Variants in CSMD3 observed in about 807,000 individuals in gnomAD.
CSMD3 encodes CUB and Sushi multiple domains 3.
In CSMD3, 177 loss-of-function variants were observed where a neutral mutation model predicts 435.2. The ratio of observed to expected loss-of-function variants is 0.41; its 90% CI spans 0.36 to 0.46. The LOEUF is 0.46. Ranked by LOEUF, CSMD3 falls within the 20% of genes least tolerant of loss-of-function variation. The pLI, the probability that CSMD3 is intolerant of heterozygous loss-of-function variation, is 0.34. For missense variants in CSMD3, 4,265 were observed against 4,504.6 expected, an observed-to-expected ratio of 0.95 and a Z score of 1.52; for synonymous variants, 1,656 against 1,520.5, an observed-to-expected ratio of 1.09 and a Z score of -2.07.
chr8:112,755,043 G>A (rs1400595535), intron 13 of CSMD3, among the ~76,000 whole-genome samples: 1 of 152,060 alleles, frequency 6.6e-6, no homozygotes. Context: ...ATTAAATAAT[G>A]AGGGCGGGCC....
intron 35 of CSMD3, among the ~76,000 whole-genome samples, chr8:112,399,552 G>A (rs1239464082): frequency 1.3e-5 from 2 of 152,100 alleles, no homozygotes; most frequent in Admixed American, 6.6e-5. Flanking sequence ...ACTGTGCCTG[G>A]TCCCGATTTC....
At chr8:113,360,575 T>C (rs2094266741) in intron 1 of CSMD3, among the ~76,000 whole-genome samples, 3 of 134,384 alleles carry the variant, frequency 2.2e-5, no homozygotes, top group South Asian at 5.1e-4. Flanking sequence ...TCAGTCTTTT[T>C]TTTTTTTTTT....
intron 54 of CSMD3, 150 bp from the exon 55 acceptor site, chr8:112,292,860 C>G: frequency 1.4e-6 from 1 of 714,814 alleles, no homozygotes; most frequent in Non-Finnish European, 2.5e-6. Context: ...AGTACATTTA[C>G]TAATGTAGAT....
chr8:113,047,535 A>G (rs117421335), intron 5 of CSMD3, among the ~76,000 whole-genome samples: 3,888 of 152,292 alleles, frequency 0.026, 78 homozygotes, highest in Middle Eastern at 0.061. Context: ...TTTTGAATTT[A>G]CCAGAATAAA....
chr8:113,298,084 A>G (rs1254015494), intron 2 of CSMD3, among the ~76,000 whole-genome samples: 1 of 152,124 alleles, frequency 6.6e-6, no homozygotes, highest in Non-Finnish European at 1.5e-5. Flanking sequence ...AATAGAGAAT[A>G]GTAAGAGCAA....
chr8:112,614,051 T>C (rs750631089), intron 22 of CSMD3, among the ~76,000 whole-genome samples: 45 of 152,120 alleles, frequency 3.0e-4, no homozygotes, highest in Non-Finnish European at 7.4e-5. Context: ...AAAAGGAGGA[T>C]AGGAAGTATT....
intron 3 of CSMD3, among the ~76,000 whole-genome samples, chr8:113,237,200 T>G (rs955467127): frequency 4.6e-5 from 7 of 152,138 alleles, no homozygotes; most frequent in African/African-American, 1.7e-4. Context: ...GATGCCTAAA[T>G]GAAAATGTGC....
chr8:112,816,024 TG>T (rs935410694), intron 12 of CSMD3, among the ~76,000 whole-genome samples: 22 of 152,154 alleles, frequency 1.4e-4, no homozygotes, highest in African/African-American at 5.1e-4. Flanking sequence ...TTGATTTTCC[TG>T]GAAGTGGTAT....
rs1009350101 is a variant in CSMD3, at chr8:113,098,921, A to T, written c.752T>A (p.Ile251Asn). 1 of 1,612,510 alleles carries T rather than the reference A, an allele frequency of 6.2e-7. No homozygotes were observed. The highest frequency in any genetic ancestry group is 1.1e-5 in the South Asian group (1 of 91,040). Residue 251 changes from isoleucine (I) to asparagine (N), a missense_variant, in exon 5 of 71, where the codon ATC (isoleucine) becomes AAC (asparagine). By Grantham distance (149) the Ile-to-Asn change is moderately radical. This residue lies in a region of CSMD3 where 731 missense variants were observed against 755.4 expected (regional missense o/e 0.97). Coordinates refer to ENST00000297405, the MANE Select transcript of CSMD3 (RefSeq NM_198123.2). Reference protein sequence around the residue: ...CGGTMRGSSGIISSPSFPNEY... With the variant: ...CGGTMRGSSGNISSPSFPNEY... ...ATTAGGAAAACTAGGGCTGGATATG[A>T]TGCCACTGGATCCTCTCATTGTTCC...
intron 22 of CSMD3, among the ~76,000 whole-genome samples, chr8:112,619,304 C>T (rs1480015854): frequency 1.3e-5 from 2 of 151,592 alleles, no homozygotes; most frequent in African/African-American, 4.9e-5. Context: ...CATACTGTAC[C>T]TCTCCTGTTG....
At chr8:112,285,159 A>G (rs1361770702) in intron 58 of CSMD3, among the ~76,000 whole-genome samples, 1 of 152,098 alleles carries the variant, frequency 6.6e-6, no homozygotes, top group African/African-American at 2.4e-5. Context: ...CATAATATGC[A>G]TGCTAACAAA....
At chr8:113,061,016 T>C (rs2088589556) in intron 5 of CSMD3, among the ~76,000 whole-genome samples, 1 of 152,188 alleles carries the variant, frequency 6.6e-6, no homozygotes, top group African/African-American at 2.4e-5. Context: ...CTGCACTCTA[T>C]TGAGATAAGT....
intron 5 of CSMD3, among the ~76,000 whole-genome samples, chr8:113,037,586 T>G (rs1489180497): frequency 6.6e-6 from 1 of 152,170 alleles, no homozygotes; most frequent in East Asian, 1.9e-4. Context: ...TTGACAATTT[T>G]ATGATGTAGT....
At chr8:112,419,161 G>A (rs1436869395) in intron 32 of CSMD3, among the ~76,000 whole-genome samples, 1 of 152,014 alleles carries the variant, frequency 6.6e-6, no homozygotes, top group Non-Finnish European at 1.5e-5. Context: ...TAGATTCCAG[G>A]CACTTATGGT....
intron 3 of CSMD3, among the ~76,000 whole-genome samples, chr8:113,271,088 C>T (rs370644313): frequency 2.6e-5 from 4 of 151,876 alleles, no homozygotes; most frequent in South Asian, 2.1e-4. Flanking sequence ...AATTTCTAAG[C>T]AGCAAATCAT....
At chr8:112,414,611 C>T (rs1033257525) in intron 32 of CSMD3, among the ~76,000 whole-genome samples, 7 of 152,044 alleles carry the variant, frequency 4.6e-5, no homozygotes, top group East Asian at 1.9e-4. Flanking sequence ...ACAAAGATAC[C>T]TGAAAATGTG....
chr8:113,128,967 C>T (rs2091214651), intron 4 of CSMD3, among the ~76,000 whole-genome samples: 1 of 152,074 alleles, frequency 6.6e-6, no homozygotes, highest in Non-Finnish European at 1.5e-5. Context: ...ACTCAGTTTA[C>T]TGAAACATTT....
chr8:112,327,418 C>G (rs1237291783), intron 45 of CSMD3, among the ~76,000 whole-genome samples: 1 of 152,046 alleles, frequency 6.6e-6, no homozygotes, highest in Non-Finnish European at 1.5e-5. Flanking sequence ...ATGAGGTGGA[C>G]AAGGTCACAC....
chr8:113,397,314 A>G (rs1460610964), intron 1 of CSMD3, among the ~76,000 whole-genome samples: 11 of 151,982 alleles, frequency 7.2e-5, no homozygotes, highest in Non-Finnish European at 1.5e-5. Flanking sequence ...TTTCTTCTTT[A>G]TGGTCTCTTT....
Sources: gnomAD v4.1 joint callset for allele counts (sites outside exome capture counted in the v4.1 genomes callset) on GRCh38, gnomAD v4.1.1 for gene constraint, gnomAD v4.1.1 regional missense constraint, MANE v1.5 for transcripts, NCBI Gene and HGNC (gene_info 2026-07-23, HGNC 2026-07-21) for gene names.